Variants in SLK observed in about 807,000 individuals in gnomAD.
SLK encodes STE20 like kinase, also known as STE20-like serine/threonine-protein kinase.
A neutral mutation model predicts 147.7 loss-of-function variants in SLK; 67 were observed. The ratio of observed to expected loss-of-function variants is 0.45; its 90% confidence interval spans 0.37 to 0.56. The LOEUF is 0.56. SLK is among the 20% of genes least tolerant of loss of function. The pLI, the probability that SLK is intolerant of heterozygous loss-of-function variation, is 0.00. For missense variants in SLK, 1,136 were observed against 1,438.8 expected (o/e 0.79, Z 3.41); for synonymous variants, 441 against 475.0 (o/e 0.93, Z 0.93).
intron 4 of SLK, among the ~76,000 whole-genome samples, chr10:103,995,313 C>T (rs1844152789): frequency 6.6e-6 from 1 of 151,796 alleles, no homozygotes; most frequent in Non-Finnish European, 1.5e-5. Context: ...CTTGACAGCA[C>T]TAGTAATCTT....
At chr10:103,995,414 CTTTCTTTTCTT>C (rs1243123713) in intron 4 of SLK, among the ~76,000 whole-genome samples, 224 of 125,306 alleles carry the variant, frequency 1.8e-3, no homozygotes, top group African/African-American at 5.6e-3. Flanking sequence ...TTTTTCTTTT[CTTTCTTTTCTT>C]TTTTTTTTTT....
At chr10:103,988,481 T>G (rs1320802407) in intron 1 of SLK, among the ~76,000 whole-genome samples, 6 of 152,180 alleles carry the variant, frequency 3.9e-5, no homozygotes, top group Middle Eastern at 3.4e-3. Context: ...CAAAAAAAAT[T>G]TGCAACCTCT....
In SLK at chr10:103,989,464, C is replaced by CTTTTTTTTTTTTTTTT. The variant is rs68033075; in HGVS notation, c.151-1205_151-1190dup. ...ATTTTGGAAGACAGTGTGGCAGTTT[C>CTTTTTTTTTTTTTTTT]TTTTTTTTTTTTTTTTTTTTTGGAG... On this transcript the variant is annotated intron_variant, in intron 1 of 18. Transcript: ENST00000369755. Among the ~76,000 whole-genome samples, 3 of 78,618 alleles carry CTTTTTTTTTTTTTTTT rather than the reference C, an allele frequency of 3.8e-5. 1 individual carries two copies. The highest frequency in any genetic ancestry group is 1.6e-4 in the African/African-American group (3 of 19,296). 51.6% of individuals were successfully genotyped at this position (78,618 alleles called of 152,430 possible).
In SLK at chr10:104,006,015, C is replaced by T. The variant is rs757221518; in HGVS notation, c.2584C>T (p.Arg862Cys). The T allele has an allele frequency of 1.9e-5, 30 of 1,612,196 alleles. No homozygotes were observed. The highest frequency in any genetic ancestry group is 5.4e-5 in the African/African-American group (4 of 74,732). ...LQQQREQIFR[R>C]FEQEMMSKKR... ...GCAACAACGAGAACAAATTTTCCGGCGCTTTGAGCAGGAAATGATGGTAAA... is the reference window on the plus strand; with the variant it reads ...GCAACAACGAGAACAAATTTTCCGGTGCTTTGAGCAGGAAATGATGGTAAA... Residue 862 changes from arginine to cysteine, a missense_variant, in exon 11 of 19, where the codon CGC (arginine) becomes TGC (cysteine). By Grantham distance (180) the Arg-to-Cys change is radical. This residue lies in a region of SLK where 327 missense variants were observed against 457.5 expected (regional missense o/e 0.71). Coordinates refer to ENST00000369755, the MANE Select transcript of SLK (RefSeq NM_014720.4).
chr10:104,021,632 C>T lies in SLK; in HGVS notation c.3460C>T (p.His1154Tyr). ...ELHQLQNEKC[H>Y]LLVEHETQKL... ...ACTTTATTTTCAGAATGAAAAATGC[C>T]ACTTGTTGGTTGAGCATGAGACTCA... Residue 1154 changes from histidine to tyrosine, a missense_variant, in exon 18 of 19, where the codon CAC (histidine) becomes TAC (tyrosine). Coordinates refer to ENST00000369755, the MANE Select transcript of SLK (RefSeq NM_014720.4). 1 of 1,586,668 alleles carries T rather than the reference C, an allele frequency of 6.3e-7. No homozygotes were observed. Among genetic ancestry groups the T allele is most frequent in the South Asian group, 1.2e-5 (1 of 85,538 alleles).
At chr10:103,994,614 T>A (rs2134478661) in intron 4 of SLK, among the ~76,000 whole-genome samples, 1 of 152,322 alleles carries the variant, frequency 6.6e-6, no homozygotes, top group East Asian at 1.9e-4. Flanking sequence ...TTACAATGGT[T>A]TGTGACCTTC....
chr10:103,991,069 G>A (rs1844087005), intron 2 of SLK, among the ~76,000 whole-genome samples: 1 of 152,050 alleles, frequency 6.6e-6, no homozygotes, highest in African/African-American at 2.4e-5. Context: ...ATGATTGTTT[G>A]ACATTGGATC....
chr10:104,011,029 T>TGGAA, intron 13 of SLK, 121 bp downstream of exon 13: 2 of 501,330 alleles, frequency 4.0e-6, no homozygotes, highest in Non-Finnish European at 6.8e-6. Flanking sequence ...CTTCTCCCCA[T>TGGAA]TCAAAAACTC....
chr10:104,016,580 T>A (rs1844468625), intron 13 of SLK, among the ~76,000 whole-genome samples: 1 of 152,176 alleles, frequency 6.6e-6, no homozygotes, highest in Non-Finnish European at 1.5e-5. Context: ...GGTAATTGCA[T>A]TTTATAGAGG....
At chr10:104,022,294 G>C (rs1288803404) in intron 18 of SLK, among the ~76,000 whole-genome samples, 1 of 152,132 alleles carries the variant, frequency 6.6e-6, no homozygotes, top group Non-Finnish European at 1.5e-5. Context: ...ATATTAAAAG[G>C]CCCTGTTATT....
intron 1 of SLK, among the ~76,000 whole-genome samples, chr10:103,989,464 CTTTTTTTT>C (rs68033075): frequency 3.8e-5 from 3 of 78,586 alleles, no homozygotes; most frequent in Admixed American, 3.1e-4. Flanking sequence ...GTGGCAGTTT[CTTTTTTTT>C]TTTTTTTTTT....
At chr10:104,020,096 C>A (rs994494768) in intron 16 of SLK, among the ~76,000 whole-genome samples, 174 bp downstream of exon 16, 43 of 152,330 alleles carry the variant, frequency 2.8e-4, no homozygotes, top group African/African-American at 9.4e-4. Context: ...AATTAGTCTT[C>A]CCCAGGATGG....
At position 104,002,993 on chromosome 10, in the gene SLK, A is replaced by C; in HGVS notation, c.1815A>C (p.Ile605=). Residue 605 remains isoleucine (I), a synonymous_variant, in exon 9 of 19, where the codon ATA becomes ATC. Coordinates refer to ENST00000369755, the MANE Select transcript of SLK (RefSeq NM_014720.4). The stretch of plus-strand genomic sequence containing the variant: ...CTAAGGAAGTTCCTATTAAAGAAAT[A>C]GTTGAAATGAATGAAATAGAAGAAG... ...GGTKEVPIKE[I]VEMNEIEEGK... The C allele has an allele frequency of 6.2e-7, 1 of 1,613,728 alleles. No individual in the cohort carries two copies. The highest frequency in any genetic ancestry group is 8.5e-7 in the Non-Finnish European group (1 of 1,179,692).
chr10:103,983,936 A>G lies in SLK; in HGVS notation c.151-6739A>G, dbSNP rs183704211. 8.5e-5 allele frequency among the ~76,000 whole-genome samples: 13 copies of G among 152,294 alleles called. No individual in the cohort carries two copies. In the East Asian group the frequency reaches 2.3e-3, roughly 27 times the overall value. ...TGGAACCCTTCCTCCAAGCTTCTGA[A>G]TTTTAATAATTCCAATCTTTTCCCT... On this transcript the variant is annotated intron_variant, in intron 1 of 18. Transcript: ENST00000369755.
In SLK at chr10:104,023,719, CCTTT is replaced by C. The variant is rs1312772959; in HGVS notation, c.3562-1850_3562-1847del. ...ACCCCAAACATTCTGTATCTGCTCTCCTTTCTTTGTTTTTCTTTGTAACAATTCA... is the reference window on the plus strand; with the variant it reads ...ACCCCAAACATTCTGTATCTGCTCTCCTTTGTTTTTCTTTGTAACAATTCA... On this transcript the variant is annotated intron_variant, in intron 18 of 18. Coordinates refer to ENST00000369755, the MANE Select transcript of SLK (RefSeq NM_014720.4). 3.9e-5 allele frequency among the ~76,000 whole-genome samples: 6 copies of C among 152,258 alleles called. No homozygotes were observed. The East Asian group carries it at 9.7e-4, about 25-fold the overall frequency.
rs112083727 is a variant in SLK, at chr10:104,019,714, T to C, written c.3133-20T>C. The C allele has an allele frequency of 2.2e-4, 356 of 1,590,858 alleles. 1 individual carries two copies. The African/African-American group carries it at 4.4e-3, about 20-fold the overall frequency. ...GACTATTGTTTCTGCGTCACTGGATTCTATTTAAAACTTTCATAGGAAACA... is the reference window on the plus strand; with the variant it reads ...GACTATTGTTTCTGCGTCACTGGATCCTATTTAAAACTTTCATAGGAAACA... On this transcript the variant is annotated intron_variant, in intron 15 of 18. Transcript: ENST00000369755.
intron 13 of SLK, among the ~76,000 whole-genome samples, chr10:104,014,615 A>G (rs531203041): frequency 1.3e-5 from 2 of 152,332 alleles, no homozygotes; most frequent in South Asian, 4.1e-4. Flanking sequence ...TTTTCTGATC[A>G]TTACCATTTT....
chr10:103,986,400 A>C (rs2476963), intron 1 of SLK, among the ~76,000 whole-genome samples: 1 of 152,132 alleles, frequency 6.6e-6, no homozygotes, highest in Non-Finnish European at 1.5e-5. Flanking sequence ...TCACATACGC[A>C]GTTCACAATA....
Position 103,999,178 on chromosome 10 carries a change from C to T in SLK, c.647C>T (p.Ala216Val). Residue 216 changes from alanine to valine, a missense_variant, in exon 6 of 19, where the codon GCT becomes GTT. By Grantham distance (64) the Ala-to-Val change is moderately conservative. Around this residue, in one of 6 missense-constraint regions of SLK, gnomAD observed 141 missense variants for 219.3 expected, o/e 0.64. Transcript: ENST00000369755. ...TSKDRPYDYK[A>V]DVWSLGITLI... ...AAGGACAGACCCTATGACTACAAAG[C>T]TGATGTTTGGTCCCTGGGTATCACT... is the stretch of plus-strand genomic sequence containing the variant. 6.2e-7 allele frequency: 1 copy of T among 1,613,656 alleles called. No homozygotes were observed. The highest frequency in any genetic ancestry group is 8.5e-7 in the Non-Finnish European group (1 of 1,179,686).
Sources: allele counts gnomAD v4.1 joint callset (sites outside exome capture counted in the v4.1 genomes callset), GRCh38; gene constraint gnomAD v4.1.1; regional missense constraint gnomAD v4.1.1; transcripts MANE v1.5; gene names NCBI Gene and HGNC (gene_info 2026-07-23, HGNC 2026-07-21).